PCDHA8: variants seen among roughly 807,000 people sequenced by gnomAD.
The protein encoded by PCDHA8 is protocadherin alpha 8.
PCDHA8 carries 53 observed loss-of-function variants against 61.8 expected under a neutral mutation model. The observed-to-expected ratio is 0.86, with a 90% CI of 0.69 to 1.08. PCDHA8 has a LOEUF of 1.08. PCDHA8 is among the 50% of genes least tolerant of loss of function. The pLI is 0.00. For synonymous variants in PCDHA8, 618 were observed against 556.6 expected (o/e 1.11, Z -1.55); for missense variants, 1,293 against 1,245.0 (o/e 1.04, Z -0.58).
At chr5:140,929,457 G>A (rs975305297) in intron 1 of PCDHA8, 25 of 1,362,276 alleles carry the variant, frequency 1.8e-5, no homozygotes, top group Non-Finnish European at 2.4e-5. Flanking sequence ...AGCACTTCCT[G>A]TGCCAAGAAA....
At chr5:141,007,777 T>G (rs1467527710) in intron 3 of PCDHA8, among the ~76,000 whole-genome samples, 2 of 152,226 alleles carry the variant, frequency 1.3e-5, no homozygotes, top group Non-Finnish European at 2.9e-5. Flanking sequence ...GAAATGGTAC[T>G]GCTTTACAAA....
intron 1 of PCDHA8, among the ~76,000 whole-genome samples, chr5:140,900,355 G>A (rs555553636): frequency 1.4e-4 from 21 of 152,070 alleles, no homozygotes; most frequent in East Asian, 3.9e-4. Flanking sequence ...TTGGCTCACC[G>A]CAACCTCTGC....
intron 1 of PCDHA8, among the ~76,000 whole-genome samples, chr5:140,948,051 T>A (rs1554218425): frequency 2.0e-5 from 3 of 151,622 alleles, no homozygotes; most frequent in African/African-American, 7.2e-5. Context: ...CATGATTCAT[T>A]GTTGAATTTC....
chr5:140,942,255 A>G (rs2093254394), intron 1 of PCDHA8, among the ~76,000 whole-genome samples: 1 of 152,194 alleles, frequency 6.6e-6, no homozygotes, highest in Non-Finnish European at 1.5e-5. Context: ...TCATTAAAAG[A>G]TATCTAAAGC....
At chr5:140,982,364 T>A in intron 2 of PCDHA8, 111 bp from the exon 3 acceptor site, 1 of 1,534,660 alleles carries the variant, frequency 6.5e-7, no homozygotes, top group Non-Finnish European at 8.8e-7. Flanking sequence ...ATGAGCAGAA[T>A]GTGTTAGCTG....
chr5:141,008,470 C>T (rs2098378498), intron 3 of PCDHA8, among the ~76,000 whole-genome samples: 1 of 152,156 alleles, frequency 6.6e-6, no homozygotes, highest in Non-Finnish European at 1.5e-5. Context: ...GCTCTGACTT[C>T]TACTCTTCTA....
chr5:140,885,873 T>A (rs1365119411), intron 1 of PCDHA8, among the ~76,000 whole-genome samples: 3 of 152,154 alleles, frequency 2.0e-5, no homozygotes, highest in Admixed American at 6.5e-5. Flanking sequence ...TGAAAAAAAA[T>A]TTTTAGTTTC....
intron 1 of PCDHA8, among the ~76,000 whole-genome samples, chr5:140,915,121 A>G (rs982484419): frequency 1.1e-4 from 16 of 151,600 alleles, no homozygotes; most frequent in African/African-American, 3.9e-4. Flanking sequence ...CCTAATTTTT[A>G]TATTTTTAGT....
intron 1 of PCDHA8, among the ~76,000 whole-genome samples, chr5:140,961,708 A>C (rs2095630610): frequency 6.6e-6 from 1 of 152,204 alleles, no homozygotes; most frequent in Non-Finnish European, 1.5e-5. Flanking sequence ...GAATGCCTTC[A>C]TTTCTAAGTG....
At chr5:140,927,166 G>A in intron 1 of PCDHA8, 1 of 1,614,188 alleles carries the variant, frequency 6.2e-7, no homozygotes. Context: ...GGCCAAAGCT[G>A]CCTGCGTCTT....
chr5:140,999,507 T>A (rs2097860188), intron 3 of PCDHA8, among the ~76,000 whole-genome samples: 1 of 152,078 alleles, frequency 6.6e-6, no homozygotes, highest in South Asian at 2.1e-4. Flanking sequence ...GAACCTACAT[T>A]TTAAGCATTT....
Position 140,894,245 on chromosome 5 carries a change from C to T in PCDHA8, c.2394+50530C>T, listed in dbSNP as rs1273703512. ...AGATGTTGAATGACAATGTAATTTT[C>T]TTTTCTTTACAAGTGGTAGCTTATT... On this transcript the variant is annotated intron_variant, in intron 1 of 3. Coordinates refer to ENST00000531613, the MANE Select transcript of PCDHA8 (RefSeq NM_018911.3). 4.0e-5 allele frequency among the ~76,000 whole-genome samples: 6 copies of T among 151,858 alleles called. No homozygotes were observed. In the East Asian group the frequency reaches 1.2e-3, roughly 29 times the overall value.
At chr5:140,937,150 G>C (rs2153631833) in intron 1 of PCDHA8, among the ~76,000 whole-genome samples, 1 of 149,812 alleles carries the variant, frequency 6.7e-6, no homozygotes, top group East Asian at 2.0e-4. Context: ...CCATTCTCCT[G>C]CCTCAGCCTC....
In PCDHA8 at chr5:140,856,941, C is replaced by A. The variant is rs782304851; in HGVS notation, c.2394+13226C>A. The A allele has an allele frequency of 2.5e-6, 4 of 1,592,588 alleles. No homozygotes were observed. The South Asian group carries it at 3.3e-5, about 13-fold the overall frequency. On this transcript the variant is annotated intron_variant, in intron 1 of 3. Coordinates refer to ENST00000531613, the MANE Select transcript of PCDHA8 (RefSeq NM_018911.3). The stretch of plus-strand genomic sequence containing the variant: ...AGGAAATTTTGGATAAACGAAAGGA[C>A]GGGAGAAATAAAAGTAAATGATGCT...
intron 1 of PCDHA8, chr5:140,929,202 G>T (rs2085922750): frequency 1.2e-6 from 2 of 1,613,984 alleles, no homozygotes; most frequent in African/African-American, 1.3e-5. Context: ...ACAGTTTGCT[G>T]TTGCGTGGGG....
chr5:140,871,594 A>G (rs1278020366), intron 1 of PCDHA8: 2 of 1,456,310 alleles, frequency 1.4e-6, no homozygotes, highest in Non-Finnish European at 1.8e-6. Context: ...TTTATGAATA[A>G]CCAGTGTTTT....
intron 1 of PCDHA8, among the ~76,000 whole-genome samples, chr5:140,973,960 T>C (rs2096609185): frequency 6.6e-6 from 1 of 152,248 alleles, no homozygotes; most frequent in African/African-American, 2.4e-5. Flanking sequence ...TTTACAGGTG[T>C]CTTTAAATGT....
At chr5:141,004,495 C>T (rs1363359146) in intron 3 of PCDHA8, among the ~76,000 whole-genome samples, 14 of 152,182 alleles carry the variant, frequency 9.2e-5, no homozygotes, top group Admixed American at 9.2e-4. Flanking sequence ...TCTTGGCAGT[C>T]CTGCTGTGAG....
chr5:140,933,762 T>C (rs2089409260), intron 1 of PCDHA8, among the ~76,000 whole-genome samples: 1 of 152,128 alleles, frequency 6.6e-6, no homozygotes, highest in African/African-American at 2.4e-5. Flanking sequence ...AGTGAAGCTC[T>C]CTGTACCTAC....
Sources: allele counts gnomAD v4.1 joint callset (sites outside exome capture counted in the v4.1 genomes callset), GRCh38; gene constraint gnomAD v4.1.1; transcripts MANE v1.5; gene names NCBI Gene and HGNC (gene_info 2026-07-23, HGNC 2026-07-21).